Variants in JAKMIP3 observed in about 807,000 individuals in gnomAD.
JAKMIP3 encodes the protein janus kinase and microtubule-interacting protein 3.
JAKMIP3 carries 58 observed loss-of-function variants against 118.5 expected under a neutral mutation model. The ratio of observed to expected loss-of-function variants is 0.49; its 90% confidence interval spans 0.40 to 0.61. The LOEUF (loss-of-function observed/expected upper bound fraction) is 0.61. JAKMIP3 is among the 20% of genes least tolerant of loss of function. The pLI is 0.00. For missense variants in JAKMIP3, 950 were observed against 1,109.0 expected (o/e 0.86, Z 2.04); for synonymous variants, 486 against 451.2 (o/e 1.08, Z -0.98).
At chr10:132,148,144 A>G (rs2055017872) in intron 14 of JAKMIP3, 94 bp downstream of exon 14, 1 of 684,556 alleles carries the variant, frequency 1.5e-6, no homozygotes, top group African/African-American at 1.8e-5. Flanking sequence ...GAACATGAAC[A>G]TGAACATGAA....
chr10:132,063,629 G>A (rs1363473829), upstream of JAKMIP3, among the ~76,000 whole-genome samples: 1 of 152,242 alleles, frequency 6.6e-6, no homozygotes, highest in Non-Finnish European at 1.5e-5. Context: ...GGATTTGGAA[G>A]GGACAGTGTC....
chr10:132,141,631 C>G (rs1442340099), intron 10 of JAKMIP3, among the ~76,000 whole-genome samples: 1 of 152,130 alleles, frequency 6.6e-6, no homozygotes, highest in Non-Finnish European at 1.5e-5. Context: ...CCATGGCCAC[C>G]AGCCCAGCAG....
intron 19 of JAKMIP3, among the ~76,000 whole-genome samples, chr10:132,157,401 T>G (rs2057224540): frequency 6.6e-6 from 1 of 152,122 alleles, no homozygotes; most frequent in Admixed American, 6.6e-5. Flanking sequence ...TGGACTTAGG[T>G]ACTGTCCATG....
chr10:132,127,392 T>TTGTGTGTGTGTGTGTG (rs145559558), intron 3 of JAKMIP3, among the ~76,000 whole-genome samples: 1 of 146,868 alleles, frequency 6.8e-6, no homozygotes, highest in East Asian at 2.0e-4. Flanking sequence ...CTGGCTAATT[T>TTGTGTGTGTGTGTGTG]TGTGTGTGTG....
chr10:132,130,200 C>G (rs1378466785), intron 3 of JAKMIP3, among the ~76,000 whole-genome samples: 5 of 152,194 alleles, frequency 3.3e-5, no homozygotes, highest in Admixed American at 3.3e-4. Context: ...TCTCTGCTTT[C>G]TCACAGGGAA....
intron 1 of JAKMIP3, among the ~76,000 whole-genome samples, chr10:132,070,134 A>T (rs10870236): frequency 0.46 from 68,504 of 148,762 alleles, 16,029 homozygotes; most frequent in East Asian, 0.68. Flanking sequence ...ACTGTCTTCC[A>T]TTTTTTTTTT....
intron 1 of JAKMIP3, among the ~76,000 whole-genome samples, chr10:132,072,534 CAAAT>C (rs1169316161): frequency 1.3e-5 from 2 of 152,036 alleles, no homozygotes; most frequent in African/African-American, 2.4e-5. Context: ...CAGCCTGTCT[CAAAT>C]AAATAAATAA....
chr10:132,107,134 A>G (rs1438362817), intron 2 of JAKMIP3, among the ~76,000 whole-genome samples: 4 of 151,620 alleles, frequency 2.6e-5, no homozygotes, highest in African/African-American at 4.9e-5. Flanking sequence ...GACTCAAGCA[A>G]TCTTCCTGCC....
At chr10:132,159,142 CCTTGTGTGATGTTGTGGGGGTATCTCTT>C (rs1325715352) in intron 19 of JAKMIP3, among the ~76,000 whole-genome samples, 10 of 102,716 alleles carry the variant, frequency 9.7e-5, no homozygotes, top group African/African-American at 1.3e-4. Flanking sequence ...GGGCGTCTCT[CCTTGTGTGATGTTGTGGGGGTATCTCTT>C]CCTGTGTGAT....
In JAKMIP3 at chr10:132,135,913, A is replaced by G. The variant is rs1305602004; in HGVS notation, c.970-17A>G. ...TCCGTCACTTAAAGAACAATCACAT[A>G]GTGCGTTGTCTTTCAGTTGAAGCGC... On this transcript the variant is annotated splice_polypyrimidine_tract_variant and intron_variant, in intron 5 of 23. Transcript: ENST00000684848. The G allele has an allele frequency of 1.6e-5, 26 of 1,606,568 alleles. No homozygotes were observed. Among genetic ancestry groups the G allele is most frequent in the Non-Finnish European group, 2.1e-5 (25 of 1,177,030 alleles).
Position 132,135,103 on chromosome 10 carries a change from G to C in JAKMIP3, c.912G>C (p.Ala304=). The C allele has an allele frequency of 6.2e-7, 1 of 1,613,506 alleles. No individual in the cohort carries two copies. The highest frequency in any genetic ancestry group is 1.7e-4 in the Middle Eastern group (1 of 6,020). Reference sequence around the variant, plus strand: ...AGCTTAAAATCGCGGAGTTAAGTGCGATTATCCGCAAACTGGAGGACCGCA... The same window carrying C: ...AGCTTAAAATCGCGGAGTTAAGTGCCATTATCCGCAAACTGGAGGACCGCA... ...RFQLKIAELS[A]IIRKLEDRNA... The change falls in exon 5 of 24, where the codon GCG becomes GCC. Residue 304 remains alanine (A), a synonymous_variant. Coordinates refer to ENST00000684848, the MANE Select transcript of JAKMIP3 (RefSeq NM_001323087.2).
chr10:132,090,617 G>T (rs1589787117), intron 1 of JAKMIP3, among the ~76,000 whole-genome samples: 1 of 151,876 alleles, frequency 6.6e-6, no homozygotes, highest in East Asian at 1.9e-4. Context: ...TATCAGTCTT[G>T]CTAGCAGTCT....
chr10:132,138,030 C>A (rs2052215685), intron 8 of JAKMIP3, 89 bp from the exon 9 acceptor site: 2 of 1,251,204 alleles, frequency 1.6e-6, no homozygotes, highest in Non-Finnish European at 2.3e-6. Context: ...CCCTGTCATC[C>A]AAATGATGGC....
chr10:132,063,928 C>T (rs1430181578), upstream of JAKMIP3, among the ~76,000 whole-genome samples: 2 of 152,126 alleles, frequency 1.3e-5, no homozygotes, highest in Admixed American at 6.5e-5. Flanking sequence ...CACAGGCACG[C>T]GTTTTTAAAA....
chr10:132,094,389 C>CT (rs1589795498), intron 1 of JAKMIP3, among the ~76,000 whole-genome samples: 1 of 152,136 alleles, frequency 6.6e-6, no homozygotes, highest in East Asian at 1.9e-4. Flanking sequence ...TGGGTAGGCT[C>CT]TGTCAGAGGG....
At chr10:132,085,372 C>T (rs1049984188) in intron 1 of JAKMIP3, among the ~76,000 whole-genome samples, 7 of 152,214 alleles carry the variant, frequency 4.6e-5, no homozygotes, top group African/African-American at 1.4e-4. Flanking sequence ...TTTTTAGTAG[C>T]CTTGAATGAT....
chr10:132,036,784 G>A (rs1350245943), intron 1 of JAKMIP3, among the ~76,000 whole-genome samples: 1 of 151,428 alleles, frequency 6.6e-6, no homozygotes, highest in Non-Finnish European at 1.5e-5. Context: ...CCGGGCCTCT[G>A]CGCTGCGTCT....
At chr10:132,106,587 G>A (rs1168056124) in intron 2 of JAKMIP3, among the ~76,000 whole-genome samples, 2 of 152,196 alleles carry the variant, frequency 1.3e-5, no homozygotes, top group South Asian at 2.1e-4. Flanking sequence ...CCAGAAGGCC[G>A]ATGGCATGGG....
chr10:132,073,135 C>T (rs1333236731), intron 1 of JAKMIP3, among the ~76,000 whole-genome samples: 1 of 152,162 alleles, frequency 6.6e-6, no homozygotes, highest in Non-Finnish European at 1.5e-5. Flanking sequence ...GTATGTAGAA[C>T]ACAAATTTTT....
Sources: gnomAD v4.1 joint callset for allele counts (sites outside exome capture counted in the v4.1 genomes callset) on GRCh38, gnomAD v4.1.1 for gene constraint, MANE v1.5 for transcripts, NCBI Gene and HGNC (gene_info 2026-07-23, HGNC 2026-07-21) for gene names.